Variants in KCNK1 observed in about 807,000 individuals in gnomAD.
The protein encoded by KCNK1 is potassium channel subfamily K member 1.
In KCNK1, 10 loss-of-function variants were observed where a neutral mutation model predicts 22.2. That is an observed-to-expected ratio of 0.45 (90% CI 0.28 to 0.76). The LOEUF is 0.76. Among genes scored for constraint, KCNK1 ranks in the 30% least tolerant of loss-of-function variants. KCNK1 has a pLI of 0.14. For missense variants in KCNK1, 378 were observed against 421.0 expected (o/e 0.90, Z 0.89); for synonymous variants, 200 against 186.4 (o/e 1.07, Z -0.60).
intron 1 of KCNK1, among the ~76,000 whole-genome samples, chr1:233,639,012 C>G (rs1657959922): frequency 1.3e-5 from 2 of 152,162 alleles, no homozygotes; most frequent in African/African-American, 4.8e-5. Flanking sequence ...TGATCCAAGT[C>G]TTTGGAAGTC....
At chr1:233,632,852 A>G (rs887000723) in intron 1 of KCNK1, among the ~76,000 whole-genome samples, 17 of 152,064 alleles carry the variant, frequency 1.1e-4, no homozygotes, top group African/African-American at 3.9e-4. Flanking sequence ...TTAGCAGTTC[A>G]GCTCTCAGGA....
At chr1:233,662,766 T>C (rs1658421239) in intron 1 of KCNK1, among the ~76,000 whole-genome samples, 1 of 152,094 alleles carries the variant, frequency 6.6e-6, no homozygotes, top group Non-Finnish European at 1.5e-5. Context: ...TACAAGAACA[T>C]TAGTGAGTGA....
At position 233,618,415 on chromosome 1, in the gene KCNK1, TA is replaced by T. The variant is rs142245242; in HGVS notation, c.355+3891del. ...TTTTTTTCCCCAAGGATTGAGGAAA[TA>T]ATGTCCAGGTGATATTTGGGGAGTA... On this transcript the variant is annotated intron_variant, in intron 1 of 2. Coordinates refer to ENST00000366621, the MANE Select transcript of KCNK1 (RefSeq NM_002245.4). Among the ~76,000 whole-genome samples the T allele has an allele frequency of 4.5e-3, 687 of 151,392 alleles. 7 individuals carry two copies. The highest frequency in any genetic ancestry group is 0.015 in the African/African-American group (638 of 41,212).
chr1:233,637,953 A>G (rs1469352366), intron 1 of KCNK1, among the ~76,000 whole-genome samples: 1 of 151,750 alleles, frequency 6.6e-6, no homozygotes, highest in Non-Finnish European at 1.5e-5. Context: ...TTATCATGCA[A>G]TTTATAGAAA....
intron 1 of KCNK1, among the ~76,000 whole-genome samples, chr1:233,647,379 T>G (rs569241792): frequency 1.2e-4 from 19 of 152,138 alleles, no homozygotes; most frequent in Non-Finnish European, 2.6e-4. Context: ...TCAGGAAACA[T>G]GAGTTGAAGA....
At chr1:233,620,124 A>G (rs1321018212) in intron 1 of KCNK1, among the ~76,000 whole-genome samples, 2 of 152,232 alleles carry the variant, frequency 1.3e-5, no homozygotes, top group Non-Finnish European at 1.5e-5. Context: ...ATCAAATTTC[A>G]TTGTCCATAA....
At chr1:233,626,272 T>C (rs920257611) in intron 1 of KCNK1, among the ~76,000 whole-genome samples, 3 of 152,138 alleles carry the variant, frequency 2.0e-5, no homozygotes, top group African/African-American at 4.8e-5. Context: ...CCCGGGTTTC[T>C]GACCTGAGCC....
At chr1:233,651,768 A>C (rs866582563) in intron 1 of KCNK1, among the ~76,000 whole-genome samples, 2 of 152,168 alleles carry the variant, frequency 1.3e-5, no homozygotes, top group Non-Finnish European at 1.5e-5. Context: ...CCTACACAGA[A>C]GTGGAGGTAG....
intron 1 of KCNK1, among the ~76,000 whole-genome samples, chr1:233,648,825 C>A (rs987468400): frequency 5.9e-5 from 9 of 152,176 alleles, no homozygotes; most frequent in African/African-American, 1.9e-4. Context: ...CCTTGGCCCC[C>A]CAAAGTGCTG....
At chr1:233,614,734 C>T (rs1024978878) in intron 1 of KCNK1, among the ~76,000 whole-genome samples, 1 of 151,982 alleles carries the variant, frequency 6.6e-6, no homozygotes, top group Non-Finnish European at 1.5e-5. Context: ...CTGGGTGACT[C>T]GGGAGGGCAA....
intron 2 of KCNK1, among the ~76,000 whole-genome samples, chr1:233,670,736 G>T (rs1658582218): frequency 6.6e-6 from 1 of 152,148 alleles, no homozygotes; most frequent in Non-Finnish European, 1.5e-5. Flanking sequence ...GATGAGATTT[G>T]GGTGGGGACA....
At chr1:233,652,366 A>T (rs910190963) in intron 1 of KCNK1, among the ~76,000 whole-genome samples, 4 of 152,122 alleles carry the variant, frequency 2.6e-5, no homozygotes, top group Non-Finnish European at 4.4e-5. Flanking sequence ...CTGAGGCCAG[A>T]CATAATAGAT....
chr1:233,626,275 C>T (rs2102885173), intron 1 of KCNK1, among the ~76,000 whole-genome samples: 1 of 152,176 alleles, frequency 6.6e-6, no homozygotes, highest in African/African-American at 2.4e-5. Flanking sequence ...GGGTTTCTGA[C>T]CTGAGCCCCT....
intron 1 of KCNK1, among the ~76,000 whole-genome samples, chr1:233,615,989 C>T (rs1184637243): frequency 1.3e-5 from 2 of 152,194 alleles, no homozygotes; most frequent in African/African-American, 2.4e-5. Flanking sequence ...CCTGTTATCT[C>T]ACTTTCCAAA....
intron 1 of KCNK1, among the ~76,000 whole-genome samples, chr1:233,617,098 G>C (rs1571886748): frequency 6.6e-6 from 1 of 151,500 alleles, no homozygotes; most frequent in Non-Finnish European, 1.5e-5. Flanking sequence ...GCAAATCACT[G>C]AGATAATTGT....
intron 2 of KCNK1, 75 bp from the exon 3 acceptor site, chr1:233,671,196 G>A: frequency 7.6e-7 from 1 of 1,317,530 alleles, no homozygotes; most frequent in Non-Finnish European, 1.1e-6. Flanking sequence ...GGCATGAGGT[G>A]GGGAGGTAAA....
In KCNK1 at chr1:233,614,363, G is replaced by A. The variant is rs769626364; in HGVS notation, c.192G>A (p.Leu64=). The A allele has an allele frequency of 2.5e-6, 4 of 1,611,096 alleles. No homozygotes were observed. The East Asian group carries it at 8.9e-5, about 36-fold the overall frequency. ...QELRKLKRRF[L]EEHECLSEQQ... ...TGCGCAAGCTGAAGCGACGCTTCTT[G>A]GAGGAGCACGAGTGCCTGTCTGAGC... The change falls in exon 1 of 3, where the codon TTG becomes TTA. Residue 64 remains leucine, a synonymous_variant. Coordinates refer to ENST00000366621, the MANE Select transcript of KCNK1 (RefSeq NM_002245.4).
intron 1 of KCNK1, among the ~76,000 whole-genome samples, chr1:233,618,110 G>A (rs1308108886): frequency 1.3e-5 from 2 of 152,140 alleles, no homozygotes; most frequent in African/African-American, 2.4e-5. Context: ...TCAAAGGAAG[G>A]GCAGAGCTTC....
chr1:233,626,115 G>A (rs936177059), intron 1 of KCNK1, among the ~76,000 whole-genome samples: 1 of 150,844 alleles, frequency 6.6e-6, no homozygotes, highest in Admixed American at 6.6e-5. Flanking sequence ...GACCCAGGGG[G>A]TCATCGGACC....
Sources: gnomAD v4.1 joint callset for allele counts (sites outside exome capture counted in the v4.1 genomes callset) on GRCh38, gnomAD v4.1.1 for gene constraint, MANE v1.5 for transcripts, NCBI Gene and HGNC (gene_info 2026-07-23, HGNC 2026-07-21) for gene names.